DPYSL3: variants seen among roughly 807,000 people sequenced by gnomAD.
DPYSL3 encodes the protein dihydropyrimidinase like 3.
Under a neutral mutation model 66.1 loss-of-function variants are expected in DPYSL3, and 16 were observed. That is an observed-to-expected ratio of 0.24 (90% CI 0.16 to 0.37). The LOEUF is 0.37. Among genes scored for constraint, DPYSL3 ranks in the 10% least tolerant of loss-of-function variants. The pLI is 1.00. For synonymous variants in DPYSL3, 338 were observed against 345.1 expected, an observed-to-expected ratio of 0.98 and a Z score of 0.23; for missense variants, 738 against 916.2, an observed-to-expected ratio of 0.81 and a Z score of 2.51.
chr5:147,466,573 T>C (rs1753012785), intron 1 of DPYSL3, among the ~76,000 whole-genome samples: 1 of 152,116 alleles, frequency 6.6e-6, no homozygotes, highest in South Asian at 2.1e-4. Flanking sequence ...ATTTCACCCT[T>C]GGGTGAATGG....
At chr5:147,480,556 T>C (rs1231178387) in intron 1 of DPYSL3, among the ~76,000 whole-genome samples, 1 of 152,100 alleles carries the variant, frequency 6.6e-6, no homozygotes, top group Non-Finnish European at 1.5e-5. Context: ...GTCACACAGC[T>C]GGTAAGCAGC....
At chr5:147,495,598 C>T (rs919122583) in intron 1 of DPYSL3, among the ~76,000 whole-genome samples, 4 of 152,170 alleles carry the variant, frequency 2.6e-5, no homozygotes, top group Non-Finnish European at 4.4e-5. Context: ...CTCTTATACA[C>T]CAATAACAGA....
At chr5:147,480,672 A>T (rs185199434) in intron 1 of DPYSL3, among the ~76,000 whole-genome samples, 15 of 149,870 alleles carry the variant, frequency 1.0e-4, no homozygotes, top group Admixed American at 3.3e-4. Flanking sequence ...AAATGAACCA[A>T]TTTCTTAGTG....
chr5:147,485,098 C>T (rs959147516), intron 1 of DPYSL3, among the ~76,000 whole-genome samples: 1 of 152,138 alleles, frequency 6.6e-6, no homozygotes, highest in African/African-American at 2.4e-5. Context: ...AACTGTACTG[C>T]TTTTATTCGA....
rs1307047700 is a variant in DPYSL3 at position 147,490,809 on chromosome 5, T to C, written c.381+18669A>G. Among the ~76,000 whole-genome samples the C allele has an allele frequency of 2.0e-5, 3 of 151,924 alleles. No homozygotes were observed. In the East Asian group the frequency reaches 5.8e-4, roughly 29 times the overall value. On this transcript the variant is annotated intron_variant, in intron 1 of 13. Coordinates refer to ENST00000343218, the MANE Select transcript of DPYSL3 (RefSeq NM_001197294.2). ...ATAGGAAAACTTGAACTGCAATTGG[T>C]TAATTGCTGGATGCTAGATACAGAC...
intron 1 of DPYSL3, among the ~76,000 whole-genome samples, chr5:147,500,289 T>A (rs547183644): frequency 2.6e-5 from 4 of 152,190 alleles, no homozygotes; most frequent in Admixed American, 6.5e-5. Context: ...GATAAACAAC[T>A]ATTATCTGAA....
chr5:147,416,609 A>G (rs574675952), intron 3 of DPYSL3, among the ~76,000 whole-genome samples: 1 of 152,352 alleles, frequency 6.6e-6, no homozygotes, highest in Non-Finnish European at 1.5e-5. Flanking sequence ...AAGTACAAGT[A>G]AGGACAAAGT....
chr5:147,394,193 G>A, intron 13 of DPYSL3, 70 bp from the exon 14 acceptor site: 2 of 1,496,232 alleles, frequency 1.3e-6, no homozygotes, highest in Non-Finnish European at 1.9e-6. Flanking sequence ...GTGGGCAAGA[G>A]AGAAACTGGG....
At chr5:147,438,349 A>G (rs1186915608) in intron 1 of DPYSL3, among the ~76,000 whole-genome samples, 1 of 152,248 alleles carries the variant, frequency 6.6e-6, no homozygotes, top group Non-Finnish European at 1.5e-5. Flanking sequence ...CTTGAATGAA[A>G]CAAACACTTG....
At chr5:147,425,840 G>A (rs946680660) in intron 1 of DPYSL3, among the ~76,000 whole-genome samples, 1 of 152,168 alleles carries the variant, frequency 6.6e-6, no homozygotes, top group Admixed American at 6.5e-5. Context: ...TTAAATGAAT[G>A]GAGCTTAGGC....
In DPYSL3 at chr5:147,453,644, G is replaced by T. The variant is rs961798743; in HGVS notation, c.382-28681C>A. Reference sequence around the variant, plus strand: ...CTCCCTCCTTCTTCTGCTCCGGCTCGCCCGCGCCTTCCTCAGCGCACAGCG... The same window carrying T: ...CTCCCTCCTTCTTCTGCTCCGGCTCTCCCGCGCCTTCCTCAGCGCACAGCG... On this transcript the variant is annotated intron_variant, in intron 1 of 13. Transcript: ENST00000343218. 8 of 1,505,252 alleles carry T rather than the reference G, an allele frequency of 5.3e-6. No homozygotes were observed. In the Admixed American group the frequency reaches 8.5e-5, roughly 16 times the overall value. 93.2% of individuals were successfully genotyped at this position (1,505,252 alleles called of 1,614,324 possible).
chr5:147,493,560 C>A (rs942523197), intron 1 of DPYSL3, among the ~76,000 whole-genome samples: 14 of 149,616 alleles, frequency 9.4e-5, no homozygotes, highest in African/African-American at 2.0e-4. Flanking sequence ...GGTGACAGAG[C>A]GAGACTCTGT....
At chr5:147,398,314 T>G (rs1317817986) in intron 11 of DPYSL3, among the ~76,000 whole-genome samples, 1 of 152,206 alleles carries the variant, frequency 6.6e-6, no homozygotes, top group African/African-American at 2.4e-5. Context: ...GAGGCATTAC[T>G]GTACTGCCAA....
At chr5:147,437,936 G>A (rs550428962) in intron 1 of DPYSL3, among the ~76,000 whole-genome samples, 22 of 152,276 alleles carry the variant, frequency 1.4e-4, no homozygotes, top group Middle Eastern at 6.8e-3. Context: ...CTTCCACCTA[G>A]TGCCTACCTT....
intron 1 of DPYSL3, among the ~76,000 whole-genome samples, chr5:147,469,734 G>A (rs1753057696): frequency 6.6e-6 from 1 of 152,164 alleles, no homozygotes; most frequent in African/African-American, 2.4e-5. Context: ...TGACCCCAAA[G>A]AGGTCACCCA....
chr5:147,412,597 C>A lies in DPYSL3; in HGVS notation c.963+11G>T. The A allele has an allele frequency of 6.2e-7, 1 of 1,609,710 alleles. No individual in the cohort carries two copies. Among genetic ancestry groups the A allele is most frequent in the African/African-American group, 1.3e-5 (1 of 74,940 alleles). ...ACCCAAAGCACGCTCCAGGGAGCTG[C>A]ACGGTGTTACCTGGGCAATGATATC... On this transcript the variant is annotated intron_variant, in intron 6 of 13. Coordinates refer to ENST00000343218, the MANE Select transcript of DPYSL3 (RefSeq NM_001197294.2).
chr5:147,415,862 C>T lies in DPYSL3; in HGVS notation c.667G>A (p.Val223Met), dbSNP rs139341814. 5.6e-6 allele frequency: 9 copies of T among 1,613,746 alleles called. No homozygotes were observed. Among genetic ancestry groups the T allele is most frequent in the Non-Finnish European group, 6.8e-6 (8 of 1,179,842 alleles). The change falls in exon 4 of 14, where the codon GTG becomes ATG. Residue 223 changes from valine to methionine, a missense_variant. Transcript: ENST00000343218. The part of the protein sequence containing the change: ...GGTTMIIDHV[V>M]PEPESSLTEA... ...GTCAGGCTGGACTCAGGCTCAGGCACCACATGGTCAACTGAATGACAGAGA... is the reference window on the plus strand; with the variant it reads ...GTCAGGCTGGACTCAGGCTCAGGCATCACATGGTCAACTGAATGACAGAGA...
At chr5:147,478,706 A>C (rs1408582891) in intron 1 of DPYSL3, among the ~76,000 whole-genome samples, 2 of 152,066 alleles carry the variant, frequency 1.3e-5, no homozygotes, top group African/African-American at 2.4e-5. Flanking sequence ...ATACACATAT[A>C]TTTTGCCAGG....
chr5:147,497,980 G>T (rs1753546754), intron 1 of DPYSL3, among the ~76,000 whole-genome samples: 1 of 150,832 alleles, frequency 6.6e-6, no homozygotes, highest in African/African-American at 2.4e-5. Context: ...TACAAGTGCA[G>T]GTCTGTTACA....
Sources: gnomAD v4.1 joint callset for allele counts (sites outside exome capture counted in the v4.1 genomes callset) on GRCh38, gnomAD v4.1.1 for gene constraint, MANE v1.5 for transcripts, NCBI Gene and HGNC (gene_info 2026-07-23, HGNC 2026-07-21) for gene names.